The following PRKCE variants were observed in gnomAD, a reference collection of about 807,000 sequenced individuals.
PRKCE encodes the protein protein kinase C epsilon type.
In PRKCE, 16 loss-of-function variants were observed where a neutral mutation model predicts 85.4. That is an observed-to-expected ratio of 0.19 (90% CI 0.13 to 0.28). The LOEUF (loss-of-function observed/expected upper bound fraction) is 0.28, where lower values mean the gene tolerates loss of function less well. PRKCE is among the 10% of genes least tolerant of loss of function. The probability of loss-of-function intolerance (pLI) is 1.00; values close to 1 mark genes in which losing one functional copy is unlikely to be tolerated. For synonymous variants in PRKCE, 388 were observed against 371.5 expected, an observed-to-expected ratio of 1.04 and a Z score of -0.51; for missense variants, 573 against 975.2, an observed-to-expected ratio of 0.59 and a Z score of 5.49.
intron 2 of PRKCE, among the ~76,000 whole-genome samples, chr2:45,885,005 G>T (rs4953284): frequency 0.03 from 1,252 of 41,916 alleles, 13 homozygotes; most frequent in East Asian, 0.076. Context: ...ATATATATTT[G>T]TTGTTGTTGT....
intron 2 of PRKCE, among the ~76,000 whole-genome samples, chr2:45,878,861 G>GAA (rs1273385068): frequency 6.6e-6 from 1 of 152,112 alleles, no homozygotes; most frequent in African/African-American, 2.4e-5. Context: ...GCTGGCAATT[G>GAA]AAAAGCAAAG....
chr2:45,702,079 C>G (rs181785095), intron 1 of PRKCE, among the ~76,000 whole-genome samples: 3 of 152,142 alleles, frequency 2.0e-5, no homozygotes, highest in South Asian at 2.1e-4. Flanking sequence ...ATCCTAGCTA[C>G]TCAGGGGGCT....
chr2:45,804,773 G>C (rs973614804), intron 1 of PRKCE, among the ~76,000 whole-genome samples: 1 of 152,082 alleles, frequency 6.6e-6, no homozygotes, highest in Non-Finnish European at 1.5e-5. Flanking sequence ...ACTGGCAGTC[G>C]GCTTGGCAGT....
intron 1 of PRKCE, among the ~76,000 whole-genome samples, chr2:45,680,884 C>T (rs1018530965): frequency 7.9e-5 from 12 of 152,194 alleles, no homozygotes; most frequent in African/African-American, 2.9e-4. Context: ...GCTCTTCATT[C>T]AACGTTTATT....
At chr2:45,984,797 G>T (rs929982727) in intron 6 of PRKCE, 117 bp downstream of exon 6, 11 of 1,369,812 alleles carry the variant, frequency 8.0e-6, no homozygotes, top group Non-Finnish European at 1.1e-5. Flanking sequence ...AGAACTGAGT[G>T]CAAGCCTTTG....
chr2:45,981,804 G>A (rs1420220530), intron 5 of PRKCE, among the ~76,000 whole-genome samples: 1 of 152,178 alleles, frequency 6.6e-6, no homozygotes, highest in South Asian at 2.1e-4. Context: ...AAACAAAGAG[G>A]AGTACACTAG....
At chr2:45,984,827 T>A in intron 6 of PRKCE, 147 bp downstream of exon 6, 1 of 1,180,588 alleles carries the variant, frequency 8.5e-7, no homozygotes, top group Non-Finnish European at 1.2e-6. Context: ...CATTAGTAAC[T>A]CTGTGCATTT....
chr2:46,179,117 C>A (rs1184427259), intron 14 of PRKCE, among the ~76,000 whole-genome samples: 2 of 152,072 alleles, frequency 1.3e-5, no homozygotes, highest in Non-Finnish European at 2.9e-5. Flanking sequence ...AGGCAGGGAC[C>A]AATAAGGCAG....
chr2:45,661,479 C>T (rs184133656), intron 1 of PRKCE, among the ~76,000 whole-genome samples: 24 of 147,304 alleles, frequency 1.6e-4, no homozygotes, highest in African/African-American at 4.0e-4. Context: ...TGAGCCACTG[C>T]GCCTGGCTTC....
chr2:46,015,147 G>T (rs545245722), intron 10 of PRKCE, among the ~76,000 whole-genome samples: 1 of 152,078 alleles, frequency 6.6e-6, no homozygotes, highest in Non-Finnish European at 1.5e-5. Context: ...GTGACTTTTG[G>T]AATTGCCTCT....
chr2:45,829,313 C>G lies in PRKCE; in HGVS notation c.349-13687C>G, dbSNP rs1221389144. On this transcript the variant is annotated intron_variant, in intron 1 of 14. Transcript: ENST00000306156. ...GCGTATAATAGTGTTTGTTTCTTCC[C>G]CATTCTCATAAGTACTGCATAATAG... Among the ~76,000 whole-genome samples the G allele has an allele frequency of 2.6e-5, 4 of 152,246 alleles. No individual in the cohort carries two copies. In the East Asian group the frequency reaches 7.7e-4, roughly 29 times the overall value.
rs569074927 is a variant in PRKCE at position 46,119,366 on chromosome 2, A to G, written c.1593-25727A>G. ...TTGGGCTATTAGTTCTTTTTAGGGC[A>G]TTCTTTACTCTAGCTAAATGATGTC... On this transcript the variant is annotated intron_variant, in intron 11 of 14. Transcript: ENST00000306156. Among the ~76,000 whole-genome samples the G allele has an allele frequency of 7.9e-4, 120 of 151,970 alleles. 2 individuals carry two copies. The highest frequency in any genetic ancestry group is 3.9e-3 in the Admixed American group (60 of 15,280).
intron 10 of PRKCE, among the ~76,000 whole-genome samples, chr2:46,040,844 C>G (rs1457209702): frequency 6.6e-6 from 1 of 152,182 alleles, no homozygotes; most frequent in Non-Finnish European, 1.5e-5. Context: ...TCTAACTAAC[C>G]TTTGTACTCT....
chr2:45,914,943 CTTGT>C lies in PRKCE; in HGVS notation c.413-61474_413-61471del, dbSNP rs376503225. 2.0e-4 allele frequency among the ~76,000 whole-genome samples: 31 copies of C among 152,258 alleles called. 1 individual carries two copies. The highest frequency in any genetic ancestry group is 4.8e-4 in the African/African-American group (20 of 41,548). ...TGCTAGAACTTTCCATATTGTTTTG[CTTGT>C]TTGTTTGTTTGAGACAAGAGTCTCT... On this transcript the variant is annotated intron_variant, in intron 2 of 14. Coordinates refer to ENST00000306156, the MANE Select transcript of PRKCE (RefSeq NM_005400.3).
chr2:46,053,479 A>G (rs1193497421), intron 10 of PRKCE, among the ~76,000 whole-genome samples: 2 of 152,170 alleles, frequency 1.3e-5, no homozygotes, highest in African/African-American at 2.4e-5. Context: ...CGAAAACTTT[A>G]TGCCCATTAA....
intron 2 of PRKCE, among the ~76,000 whole-genome samples, chr2:45,931,803 T>C (rs1448572567): frequency 6.6e-6 from 1 of 152,028 alleles, no homozygotes; most frequent in Admixed American, 6.6e-5. Flanking sequence ...GCCTCCCGGG[T>C]TGCAGCGATT....
chr2:45,968,599 A>T (rs899042151), intron 2 of PRKCE, among the ~76,000 whole-genome samples: 1 of 152,254 alleles, frequency 6.6e-6, no homozygotes, highest in African/African-American at 2.4e-5. Flanking sequence ...TGTGCAACCA[A>T]AAACCATTTG....
intron 1 of PRKCE, among the ~76,000 whole-genome samples, chr2:45,768,511 T>G (rs1481467020): frequency 1.3e-5 from 2 of 152,140 alleles, no homozygotes; most frequent in African/African-American, 4.8e-5. Context: ...TGTAAAAACT[T>G]AAGTCTCTGA....
At chr2:45,754,897 G>A (rs576560310) in intron 1 of PRKCE, among the ~76,000 whole-genome samples, 11 of 152,350 alleles carry the variant, frequency 7.2e-5, no homozygotes, top group Non-Finnish European at 1.5e-4. Flanking sequence ...GTGCGAGGCT[G>A]CCAGGAGGGA....
Sources: gnomAD v4.1 joint callset for allele counts (sites outside exome capture counted in the v4.1 genomes callset) on GRCh38, gnomAD v4.1.1 for gene constraint, MANE v1.5 for transcripts, NCBI Gene and HGNC (gene_info 2026-07-23, HGNC 2026-07-21) for gene names.